The following PPP2R2C variants were observed in gnomAD, a reference collection of about 807,000 sequenced individuals.
PPP2R2C encodes the protein protein phosphatase 2 regulatory subunit Bgamma, also known as protein phosphatase 2, regulatory subunit B, gamma.
Under a neutral mutation model 45.3 loss-of-function variants are expected in PPP2R2C, and 10 were observed. The observed-to-expected ratio is 0.22, with a 90% CI of 0.14 to 0.37. The LOEUF (loss-of-function observed/expected upper bound fraction) is 0.37. PPP2R2C is among the 10% of genes least tolerant of loss of function. The probability of loss-of-function intolerance (pLI) is 1.00; values close to 1 mark genes in which losing one functional copy is unlikely to be tolerated. For missense variants in PPP2R2C, 308 were observed against 619.7 expected (o/e 0.50, Z 5.34); for synonymous variants, 257 against 245.4 (o/e 1.05, Z -0.44).
At chr4:6,538,844 G>C (rs1291918153) in intron 1 of PPP2R2C, among the ~76,000 whole-genome samples, 1 of 152,152 alleles carries the variant, frequency 6.6e-6, no homozygotes, top group Non-Finnish European at 1.5e-5. Context: ...TGAGCTACTC[G>C]TGGGCGGGGA....
At chr4:6,382,573 T>C in intron 1 of PPP2R2C, 1 of 1,307,566 alleles carries the variant, frequency 7.6e-7, no homozygotes, top group Non-Finnish European at 1.0e-6. Context: ...TCTCAGGTGA[T>C]GACAGCTCTA....
chr4:6,429,982 G>C (rs1719530877), intron 1 of PPP2R2C, among the ~76,000 whole-genome samples: 1 of 152,140 alleles, frequency 6.6e-6, no homozygotes, highest in South Asian at 2.1e-4. Context: ...ACGTCACACA[G>C]CACATCAGCA....
chr4:6,333,465 T>C, intron 7 of PPP2R2C, 97 bp downstream of exon 7: 1 of 1,395,386 alleles, frequency 7.2e-7, no homozygotes, highest in Non-Finnish European at 9.8e-7. Context: ...ATACCGGGCA[T>C]ATGAAAGCCA....
At chr4:6,382,956 C>T (rs1715957381) in intron 1 of PPP2R2C, 3 of 1,076,176 alleles carry the variant, frequency 2.8e-6, no homozygotes, top group Non-Finnish European at 3.4e-6. Context: ...AGGCAGCCCC[C>T]ACCTGCCGAG....
chr4:6,467,969 C>A (rs1721674169), intron 1 of PPP2R2C, among the ~76,000 whole-genome samples: 1 of 152,190 alleles, frequency 6.6e-6, no homozygotes, highest in South Asian at 2.1e-4. Flanking sequence ...ACCTCCAGAA[C>A]TGACTCCCAC....
chr4:6,449,531 G>A (rs1211061652), intron 1 of PPP2R2C, among the ~76,000 whole-genome samples: 2 of 152,216 alleles, frequency 1.3e-5, no homozygotes, highest in South Asian at 2.1e-4. Context: ...GACCCCCGCC[G>A]CCGCCTGGCC....
chr4:6,383,890 C>T (rs1246738284), intron 1 of PPP2R2C: 1 of 988,740 alleles, frequency 1.0e-6, no homozygotes, highest in South Asian at 4.6e-5. Context: ...CCTGGCCTGC[C>T]CTGGCCTTCT....
intron 1 of PPP2R2C, among the ~76,000 whole-genome samples, chr4:6,446,247 C>A (rs1035765330): frequency 3.3e-5 from 5 of 152,228 alleles, no homozygotes; most frequent in African/African-American, 9.6e-5. Flanking sequence ...AACCACCCCC[C>A]ACTTTTCAAA....
chr4:6,442,560 G>A (rs1221888993), intron 1 of PPP2R2C, among the ~76,000 whole-genome samples: 2 of 152,178 alleles, frequency 1.3e-5, no homozygotes, highest in East Asian at 1.9e-4. Flanking sequence ...TGGGAGAGGC[G>A]ACAAGGTGAC....
chr4:6,388,295 T>C lies in PPP2R2C; in HGVS notation c.71-7201A>G, dbSNP rs535936472. Among the ~76,000 whole-genome samples the C allele has an allele frequency of 9.8e-5, 15 of 152,294 alleles. No individual in the cohort carries two copies. The East Asian group carries it at 2.9e-3, about 29-fold the overall frequency. On this transcript the variant is annotated intron_variant, in intron 1 of 8. Transcript: ENST00000382599. The stretch of plus-strand genomic sequence containing the variant: ...GGGTGCCCAGAGAGGTGAGAGGTGG[T>C]ATCCCTAGTGACCCGCCCAGTAACA...
intron 1 of PPP2R2C, among the ~76,000 whole-genome samples, chr4:6,451,796 ATGACACCCC>A (rs749402044): frequency 2.0e-4 from 31 of 152,036 alleles, no homozygotes; most frequent in Non-Finnish European, 2.8e-4. Flanking sequence ...GGCCCAATAA[ATGACACCCC>A]TATTCCTGTC....
intron 6 of PPP2R2C, among the ~76,000 whole-genome samples, chr4:6,337,161 T>TATATATATATATATA (rs1560454834): frequency 6.2e-5 from 7 of 113,646 alleles, no homozygotes; most frequent in Admixed American, 1.9e-4. Context: ...TATATATATA[T>TATATATATATATATA]TTGTAGTTTT....
intron 1 of PPP2R2C, among the ~76,000 whole-genome samples, chr4:6,397,342 G>GT (rs1717105347): frequency 6.6e-6 from 1 of 152,232 alleles, no homozygotes; most frequent in South Asian, 2.1e-4. Flanking sequence ...GCCAGGGGGA[G>GT]GCCTCAGCCT....
chr4:6,510,760 G>A (rs748064233), intron 2 of PPP2R2C, among the ~76,000 whole-genome samples: 15 of 152,028 alleles, frequency 9.9e-5, no homozygotes, highest in South Asian at 6.2e-4. Flanking sequence ...GGCGGACCCC[G>A]AGGTCAGGAG....
intron 1 of PPP2R2C, among the ~76,000 whole-genome samples, chr4:6,451,854 C>T (rs141158220): frequency 4.7e-4 from 72 of 152,192 alleles, no homozygotes; most frequent in Non-Finnish European, 7.5e-4. Context: ...AGAGTTGGAT[C>T]GGCAGAGCCA....
At chr4:6,437,312 A>C (rs1719940559) in intron 1 of PPP2R2C, among the ~76,000 whole-genome samples, 1 of 152,236 alleles carries the variant, frequency 6.6e-6, no homozygotes, top group Non-Finnish European at 1.5e-5. Context: ...CAAGAAATAC[A>C]ACTGTAATTG....
intron 5 of PPP2R2C, among the ~76,000 whole-genome samples, chr4:6,363,201 G>C (rs1453147108): frequency 6.6e-6 from 1 of 152,202 alleles, no homozygotes; most frequent in Non-Finnish European, 1.5e-5. Flanking sequence ...CCCCAGAGCA[G>C]TTGTGTGCTG....
chr4:6,542,237 CA>C (rs1240880334), intron 1 of PPP2R2C, among the ~76,000 whole-genome samples: 1 of 152,238 alleles, frequency 6.6e-6, no homozygotes, highest in Non-Finnish European at 1.5e-5. Flanking sequence ...ATGCCGCAGA[CA>C]GAGGCCACAC....
At chr4:6,412,726 A>T (rs1289012696) in intron 1 of PPP2R2C, among the ~76,000 whole-genome samples, 2 of 152,230 alleles carry the variant, frequency 1.3e-5, no homozygotes, top group Non-Finnish European at 2.9e-5. Context: ...CCTCAAATTC[A>T]TATGTTGGAA....
Sources: gnomAD v4.1 joint callset for allele counts (sites outside exome capture counted in the v4.1 genomes callset) on GRCh38, gnomAD v4.1.1 for gene constraint, MANE v1.5 for transcripts, NCBI Gene and HGNC (gene_info 2026-07-23, HGNC 2026-07-21) for gene names.